Variants in ZNF280D observed in about 807,000 individuals in gnomAD.
The protein encoded by ZNF280D is zinc finger protein 280D.
A neutral mutation model predicts 94.7 loss-of-function variants in ZNF280D; 39 were observed. That is an observed-to-expected ratio of 0.41 (90% confidence interval 0.32 to 0.54). ZNF280D has a LOEUF of 0.54. Ranked by LOEUF, ZNF280D falls within the 20% of genes least tolerant of loss-of-function variation. The pLI is 0.22. For missense variants in ZNF280D, 1,090 were observed against 1,149.3 expected (o/e 0.95, Z 0.75); for synonymous variants, 398 against 377.6 (o/e 1.05, Z -0.63).
At chr15:56,702,908 TAA>T in intron 4 of ZNF280D, among the ~76,000 whole-genome samples, 2 of 111,150 alleles carry the variant, frequency 1.8e-5, no homozygotes, top group Non-Finnish European at 1.8e-5. Context: ...CCATGGTAAG[TAA>T]ACACACACAC....
At chr15:56,635,051 T>C in intron 21 of ZNF280D, 144 bp downstream of exon 21, 1 of 399,770 alleles carries the variant, frequency 2.5e-6, no homozygotes, top group Non-Finnish European at 4.4e-6. Context: ...TTTTAAGTTT[T>C]ATTTTAATTA....
chr15:56,702,327 C>G (rs2057128595), intron 4 of ZNF280D, among the ~76,000 whole-genome samples: 1 of 152,130 alleles, frequency 6.6e-6, no homozygotes, highest in Non-Finnish European at 1.5e-5. Context: ...CTATGGATCA[C>G]AAGTTTTTGC....
At chr15:56,724,318 A>T (rs557559693) in intron 1 of ZNF280D, among the ~76,000 whole-genome samples, 2 of 152,300 alleles carry the variant, frequency 1.3e-5, no homozygotes, top group South Asian at 4.1e-4. Context: ...TACCAATTCC[A>T]AATTGTTTAA....
intron 20 of ZNF280D, among the ~76,000 whole-genome samples, chr15:56,642,486 A>C (rs2052676607): frequency 6.6e-6 from 1 of 151,868 alleles, no homozygotes; most frequent in African/African-American, 2.4e-5. Context: ...AATAACATTT[A>C]TATGATAATT....
rs867529535 is a variant in ZNF280D at position 56,719,283 on chromosome 15, T to C, written c.-85-11977A>G. On this transcript the variant is annotated intron_variant, in intron 1 of 21. Transcript: ENST00000267807. ...CAATGGCTTGGTGCTGTCCTCACGGTAATGAGTGAGTTTTCAGTCTATTAG... is the reference window on the plus strand; with the variant it reads ...CAATGGCTTGGTGCTGTCCTCACGGCAATGAGTGAGTTTTCAGTCTATTAG... Among the ~76,000 whole-genome samples, 8 of 151,956 alleles carry C rather than the reference T, an allele frequency of 5.3e-5. No individual in the cohort carries two copies. In the South Asian group the frequency reaches 1.7e-3, roughly 32 times the overall value.
chr15:56,695,714 G>C (rs1284601672), intron 6 of ZNF280D, among the ~76,000 whole-genome samples: 2 of 151,836 alleles, frequency 1.3e-5, no homozygotes, highest in African/African-American at 4.8e-5. Context: ...ATTTTTAATA[G>C]AGACAGGGTT....
chr15:56,646,051 T>A (rs1159158480), intron 19 of ZNF280D, among the ~76,000 whole-genome samples: 2 of 152,158 alleles, frequency 1.3e-5, no homozygotes, highest in African/African-American at 4.8e-5. Context: ...ATGTAATCTT[T>A]AAGAATATTT....
chr15:56,661,685 T>C (rs2053953890), intron 16 of ZNF280D, among the ~76,000 whole-genome samples: 1 of 152,184 alleles, frequency 6.6e-6, no homozygotes, highest in Non-Finnish European at 1.5e-5. Flanking sequence ...ACCTCCTCCG[T>C]ACTTTCATAG....
chr15:56,725,325 TG>T (rs1379730026), intron 1 of ZNF280D, among the ~76,000 whole-genome samples: 2 of 152,148 alleles, frequency 1.3e-5, no homozygotes, highest in Admixed American at 1.3e-4. Flanking sequence ...AATCTTTGCC[TG>T]GGAGTCCAGA....
chr15:56,713,095 T>A (rs1373263720), intron 1 of ZNF280D, among the ~76,000 whole-genome samples: 1 of 152,132 alleles, frequency 6.6e-6, no homozygotes, highest in Non-Finnish European at 1.5e-5. Context: ...ATAAAATCAA[T>A]GAAATAATCC....
chr15:56,676,922 A>T (rs551570362), intron 12 of ZNF280D, 106 bp from the exon 13 acceptor site: 1 of 835,180 alleles, frequency 1.2e-6, no homozygotes, highest in Non-Finnish European at 1.8e-6. Context: ...ATGTACTACT[A>T]ATCTAGCTCT....
chr15:56,714,517 A>G (rs933675620), intron 1 of ZNF280D, among the ~76,000 whole-genome samples: 1 of 152,146 alleles, frequency 6.6e-6, no homozygotes, highest in African/African-American at 2.4e-5. Context: ...AGGCAAAGAG[A>G]AGGGAAAAGG....
At chr15:56,694,398 CAG>C (rs1460611781) in intron 6 of ZNF280D, among the ~76,000 whole-genome samples, 1 of 151,444 alleles carries the variant, frequency 6.6e-6, no homozygotes, top group Non-Finnish European at 1.5e-5. Context: ...GGTAAGCTCT[CAG>C]AGTGACTTTT....
At position 56,707,124 on chromosome 15, in the gene ZNF280D, G is replaced by A; in HGVS notation, c.-15C>T. 1 of 1,613,810 alleles carries A rather than the reference G, an allele frequency of 6.2e-7. No individual in the cohort carries two copies. Among genetic ancestry groups the A allele is most frequent in the Non-Finnish European group, 8.5e-7 (1 of 1,179,904 alleles). ...TTGTCGCCCATCAAGCTGCAGAGATGACTTTCTGTAAATTGTCACCTAAGT... is the reference window on the plus strand; with the variant it reads ...TTGTCGCCCATCAAGCTGCAGAGATAACTTTCTGTAAATTGTCACCTAAGT... On this transcript the variant is annotated 5_prime_UTR_variant, in exon 3 of 22. Coordinates refer to ENST00000267807, the MANE Select transcript of ZNF280D (RefSeq NM_017661.4).
At chr15:56,650,967 C>T (rs567394644) in intron 19 of ZNF280D, among the ~76,000 whole-genome samples, 23 of 152,256 alleles carry the variant, frequency 1.5e-4, no homozygotes, top group Non-Finnish European at 2.8e-4. Flanking sequence ...CCTTTATCAC[C>T]CTTCTCTGAT....
chr15:56,643,365 C>T (rs1482380360), intron 19 of ZNF280D, among the ~76,000 whole-genome samples: 4 of 151,582 alleles, frequency 2.6e-5, no homozygotes, highest in African/African-American at 9.7e-5. Flanking sequence ...TATATGCTTA[C>T]ATAAGTAATA....
In ZNF280D at chr15:56,631,973, T is replaced by A; in HGVS notation, c.2465A>T (p.Lys822Ile). The change falls in exon 22 of 22, where the codon AAA (lysine) becomes ATA (isoleucine). Residue 822 changes from lysine to isoleucine, a missense_variant. Lys to Ile is a moderately radical substitution (Grantham distance 102). Transcript: ENST00000267807. ...TCLADQETGS[K>I]NIVSCDSNIG... ...ATTTGAATCACAACTGACGATGTTT[T>A]TTGAGCCAGTTTCCTGGTCTGCAAG... 6.2e-7 allele frequency: 1 copy of A among 1,614,094 alleles called. No individual in the cohort carries two copies. Among genetic ancestry groups the A allele is most frequent in the South Asian group, 1.1e-5 (1 of 91,086 alleles).
intron 1 of ZNF280D, among the ~76,000 whole-genome samples, chr15:56,727,065 G>A (rs1462346117): frequency 6.6e-6 from 1 of 152,170 alleles, no homozygotes; most frequent in Non-Finnish European, 1.5e-5. Context: ...AGAAAAAATG[G>A]GAGAACTAAT....
At chr15:56,729,467 A>C (rs2058782576) in intron 1 of ZNF280D, among the ~76,000 whole-genome samples, 1 of 152,204 alleles carries the variant, frequency 6.6e-6, no homozygotes, top group African/African-American at 2.4e-5. Context: ...TACTCTTCTC[A>C]GCTCAGTGCA....
Sources: allele counts gnomAD v4.1 joint callset (sites outside exome capture counted in the v4.1 genomes callset), GRCh38; gene constraint gnomAD v4.1.1; transcripts MANE v1.5; gene names NCBI Gene and HGNC (gene_info 2026-07-23, HGNC 2026-07-21).